Variants in NOD1 observed in about 807,000 individuals in gnomAD.
The protein encoded by NOD1 is nucleotide-binding oligomerization domain-containing protein 1.
In NOD1, 70 loss-of-function variants were observed where a neutral mutation model predicts 81.2. The observed-to-expected ratio is 0.86, with a 90% CI of 0.71 to 1.05. The LOEUF (loss-of-function observed/expected upper bound fraction) is 1.05, where lower values mean the gene tolerates loss of function less well. Among genes scored for constraint, NOD1 ranks in the 50% least tolerant of loss-of-function variants. The probability of loss-of-function intolerance (pLI) is 0.00; values close to 1 mark genes in which losing one functional copy is unlikely to be tolerated. For missense variants in NOD1, 1,233 were observed against 1,228.0 expected (o/e 1.00, Z -0.06); for synonymous variants, 508 against 526.9 (o/e 0.96, Z 0.49).
At chr7:30,433,570 AGT>A in intron 11 of NOD1, among the ~76,000 whole-genome samples, 1 of 152,300 alleles carries the variant, frequency 6.6e-6, no homozygotes, top group East Asian at 1.9e-4. Flanking sequence ...TATCCAAGTT[AGT>A]TTGAAGACCT....
chr7:30,452,263 C>T lies in NOD1; in HGVS notation c.1154G>A (p.Cys385Tyr). ...LSQLEANPNL[C>Y]SLCSVPLFCW... is the part of the protein sequence containing the mutation. ...GAAGAGGGGCACAGAGCACAGGCTG[C>T]AGAGGTTGGGGTTGGCCTCCAGCTG... The change falls in exon 6 of 14, where the codon TGC (cysteine) becomes TAC (tyrosine). Residue 385 changes from cysteine (C) to tyrosine (Y), a missense_variant. Cys to Tyr is a radical substitution (Grantham distance 194). Coordinates refer to ENST00000222823, the MANE Select transcript of NOD1 (RefSeq NM_006092.4). 1 of 1,613,628 alleles carries T rather than the reference C, an allele frequency of 6.2e-7. No individual in the cohort carries two copies.
At chr7:30,429,308 GCA>G in intron 13 of NOD1, 64 bp downstream of exon 13, 7 of 1,358,804 alleles carry the variant, frequency 5.2e-6, no homozygotes, top group Non-Finnish European at 7.4e-6. Context: ...GTTGTGCCTT[GCA>G]CAGTCAGTGG....
intron 1 of NOD1, among the ~76,000 whole-genome samples, chr7:30,465,653 C>T (rs1310521786): frequency 2.0e-5 from 3 of 147,778 alleles, no homozygotes; most frequent in Non-Finnish European, 3.0e-5. Context: ...AATCATTATT[C>T]GCTCTTTTTT....
In NOD1 at chr7:30,430,860, C is replaced by G. The variant is rs370420848; in HGVS notation, c.2706-1403G>C. ...GGATCTGGTGCTCCCAGCCATACCC[C>G]ACAAGGGCTAGGGCCCCTGGGTTCA... On this transcript the variant is annotated intron_variant, in intron 12 of 13. Transcript: ENST00000222823. 6.9e-4 allele frequency among the ~76,000 whole-genome samples: 105 copies of G among 152,354 alleles called. 2 individuals carry two copies. In the South Asian group the frequency reaches 0.021, roughly 31 times the overall value.
rs562328057 is a variant in NOD1 at position 30,452,267 on chromosome 7, G to T, written c.1150C>A (p.Leu384Ile). The change falls in exon 6 of 14, where the codon CTC becomes ATC. Residue 384 changes from leucine to isoleucine, a missense_variant. Transcript: ENST00000222823. ...LLSQLEANPN[L>I]CSLCSVPLFC... ...AGGGGCACAGAGCACAGGCTGCAGA[G>T]GTTGGGGTTGGCCTCCAGCTGGCTC... The T allele has an allele frequency of 6.2e-6, 10 of 1,613,576 alleles. No homozygotes were observed. In the African/African-American group the frequency reaches 1.3e-4, roughly 21 times the overall value.
chr7:30,454,542 T>C (rs947063891), intron 5 of NOD1, among the ~76,000 whole-genome samples: 3 of 152,224 alleles, frequency 2.0e-5, no homozygotes, highest in African/African-American at 7.2e-5. Flanking sequence ...AGTTAACTGA[T>C]GGGGTCTTCC....
At chr7:30,426,197 G>A (rs1355730997) in intron 13 of NOD1, among the ~76,000 whole-genome samples, 2 of 152,004 alleles carry the variant, frequency 1.3e-5, no homozygotes, top group Non-Finnish European at 1.5e-5. Flanking sequence ...TCAATGCCAC[G>A]GCCTTGTTTG....
At chr7:30,470,335 T>C (rs902036873) in intron 1 of NOD1, among the ~76,000 whole-genome samples, 2 of 152,202 alleles carry the variant, frequency 1.3e-5, no homozygotes, top group African/African-American at 4.8e-5. Context: ...GGCCAGCATT[T>C]CCATCTGTCA....
chr7:30,429,956 G>A (rs1783801532), intron 12 of NOD1, among the ~76,000 whole-genome samples: 1 of 152,196 alleles, frequency 6.6e-6, no homozygotes, highest in Non-Finnish European at 1.5e-5. Flanking sequence ...GGAGGTGGAG[G>A]TTGCAGTGAG....
At chr7:30,438,738 A>C (rs1277476287) in intron 9 of NOD1, among the ~76,000 whole-genome samples, 1 of 152,234 alleles carries the variant, frequency 6.6e-6, no homozygotes, top group Non-Finnish European at 1.5e-5. Context: ...AAGCTACTCA[A>C]GGCATGAGAT....
intron 13 of NOD1, among the ~76,000 whole-genome samples, chr7:30,426,002 C>T (rs1039946492): frequency 8.5e-5 from 13 of 152,128 alleles, no homozygotes; most frequent in Admixed American, 7.9e-4. Context: ...TTTTGGCTGT[C>T]CTGACCTCTC....
At chr7:30,460,703 C>T (rs563475597) in intron 1 of NOD1, 1 of 984,826 alleles carries the variant, frequency 1.0e-6, no homozygotes, top group South Asian at 4.7e-5. Flanking sequence ...GGGGGTAGAG[C>T]CTGTGGGCAG....
chr7:30,448,370 T>C lies in NOD1; in HGVS notation c.2213A>G (p.Asn738Ser). The C allele has an allele frequency of 6.2e-7, 1 of 1,614,050 alleles. No individual in the cohort carries two copies. The highest frequency in any genetic ancestry group is 8.5e-7 in the Non-Finnish European group (1 of 1,179,908). The part of the protein sequence containing the change: ...SRLTVLRLSV[N>S]QITDGGVKVL... The stretch of plus-strand genomic sequence containing the variant: ...CTTTACCCCACCGTCAGTGATCTGG[T>C]TTACGCTGAGTCTGAAATAAAACAG... The change falls in exon 7 of 14, where the codon AAC (asparagine) becomes AGC (serine). Residue 738 changes from asparagine (N) to serine (S), a missense_variant. Coordinates refer to ENST00000222823, the MANE Select transcript of NOD1 (RefSeq NM_006092.4).
intron 10 of NOD1, among the ~76,000 whole-genome samples, chr7:30,436,763 T>C (rs922619806): frequency 3.9e-5 from 6 of 152,134 alleles, no homozygotes; most frequent in African/African-American, 1.4e-4. Flanking sequence ...GGGGTGGTGG[T>C]TGGCTGGTGT....
chr7:30,469,049 T>C (rs180727128), intron 1 of NOD1: 6 of 985,450 alleles, frequency 6.1e-6, no homozygotes, highest in African/African-American at 5.2e-5. Context: ...AGAACACATA[T>C]GCTTGGTCAG....
Position 30,452,789 on chromosome 7 carries a change from T to C in NOD1, c.628A>G (p.Met210Val), listed in dbSNP as rs139814809. 3.0e-5 allele frequency: 48 copies of C among 1,614,042 alleles called. No individual in the cohort carries two copies. The Middle Eastern group carries it at 4.9e-4, about 17-fold the overall frequency. ...ILGDAGVGKS[M>V]LLQRLQSLWA... ...AGGCTCTGCAGCCGCTGTAGCAGCA[T>C]GGACTTGCCCACCCCAGCATCACCC... Residue 210 changes from methionine to valine, a missense_variant, in exon 6 of 14, where the codon ATG becomes GTG. Physicochemically the swap from Met to Val is conservative, Grantham distance 21. Transcript: ENST00000222823.
chr7:30,451,589 C>T lies in NOD1; in HGVS notation c.1828G>A (p.Ala610Thr), dbSNP rs5743346. 5.3e-5 allele frequency: 85 copies of T among 1,613,586 alleles called. No homozygotes were observed. The highest frequency in any genetic ancestry group is 2.5e-4 in the African/African-American group (19 of 74,910). The change falls in exon 6 of 14, where the codon GCG becomes ACG. Residue 610 changes from alanine to threonine, a missense_variant. Transcript: ENST00000222823. The surrounding 1 kb of genome is among the most constrained non-coding windows in gnomAD (Gnocchi z 4.2). ...TTGCGCTTTCTCCTCAGGGCTGCCG[C>T]GGGCACCAGATGCCGCAGGAGTTTC... is the stretch of plus-strand genomic sequence containing the variant. ...KQKLLRHLVP[A>T]AALRRKRKAL... is the part of the protein sequence containing the mutation.
chr7:30,448,872 C>T (rs1383392120), intron 6 of NOD1, among the ~76,000 whole-genome samples: 1 of 152,160 alleles, frequency 6.6e-6, no homozygotes, highest in Non-Finnish European at 1.5e-5. Context: ...AACTGTTATA[C>T]CCAAAATGCC....
At position 30,429,369 on chromosome 7, in the gene NOD1, C is replaced by T; in HGVS notation, c.2789+5G>A. 6.2e-7 allele frequency: 1 copy of T among 1,612,720 alleles called. No individual in the cohort carries two copies. ...TTATTACTGTGACAAACGCTGGGATCTTACCAAATCTCTGTTATGCCAGTG... is the reference window on the plus strand; with the variant it reads ...TTATTACTGTGACAAACGCTGGGATTTTACCAAATCTCTGTTATGCCAGTG... On this transcript the variant is annotated splice_donor_5th_base_variant and intron_variant, in intron 13 of 13. Transcript: ENST00000222823.
Sources: gnomAD v4.1 joint callset for allele counts (sites outside exome capture counted in the v4.1 genomes callset) on GRCh38, gnomAD v4.1.1 for gene constraint, Gnocchi (gnomAD v3.1) non-coding constraint, MANE v1.5 for transcripts, NCBI Gene and HGNC (gene_info 2026-07-23, HGNC 2026-07-21) for gene names.